The following METTL15 variants were observed in gnomAD, a reference collection of about 807,000 sequenced individuals.
METTL15 encodes the protein methyltransferase 15, mitochondrial 12S rRNA N4-cytidine.
A neutral mutation model predicts 38.3 loss-of-function variants in METTL15; 34 were observed. The ratio of observed to expected loss-of-function variants is 0.89; its 90% CI spans 0.68 to 1.18. METTL15 has a LOEUF of 1.18. METTL15 is among the 50% of genes most tolerant of loss of function. The probability of loss-of-function intolerance (pLI) is 0.00; values close to 1 mark genes in which losing one functional copy is unlikely to be tolerated. For missense variants in METTL15, 438 were observed against 498.4 expected (o/e 0.88, Z 1.15); for synonymous variants, 162 against 170.9 (o/e 0.95, Z 0.41).
intron 5 of METTL15, among the ~76,000 whole-genome samples, chr11:28,294,516 C>T (rs1011548818): frequency 6.6e-6 from 1 of 152,150 alleles, no homozygotes; most frequent in East Asian, 1.9e-4. Flanking sequence ...TAAGGTTTCT[C>T]ATGTAGAAGC....
intron 4 of METTL15, among the ~76,000 whole-genome samples, chr11:28,226,010 G>T (rs1001632548): frequency 6.6e-6 from 1 of 151,698 alleles, no homozygotes; most frequent in Non-Finnish European, 1.5e-5. Flanking sequence ...TTTTAATTCA[G>T]CTAATTAGAA....
intron 4 of METTL15, among the ~76,000 whole-genome samples, chr11:28,270,358 A>G (rs1258543042): frequency 6.6e-6 from 1 of 152,220 alleles, no homozygotes; most frequent in African/African-American, 2.4e-5. Flanking sequence ...TGAATTTGAT[A>G]GGAGAACTCC....
chr11:28,510,864 A>C (rs1182838575), intron 6 of METTL15, among the ~76,000 whole-genome samples: 3 of 152,158 alleles, frequency 2.0e-5, no homozygotes, highest in Non-Finnish European at 4.4e-5. Context: ...AGACTTCCTC[A>C]AGTACTCAGC....
intron 5 of METTL15, among the ~76,000 whole-genome samples, chr11:28,372,450 C>CTT (rs56304548): frequency 8.9e-5 from 9 of 101,560 alleles, no homozygotes; most frequent in Admixed American, 3.1e-4. Flanking sequence ...TTGTTGTGTT[C>CTT]TTTTTTTTTT....
intron 6 of METTL15, among the ~76,000 whole-genome samples, chr11:28,457,943 C>G (rs1252977400): frequency 1.3e-5 from 2 of 152,154 alleles, no homozygotes; most frequent in East Asian, 1.9e-4. Context: ...TGCTAGATTT[C>G]TAGAGTGTTG....
chr11:28,120,256 T>A (rs947493409), intron 3 of METTL15, among the ~76,000 whole-genome samples: 3 of 151,892 alleles, frequency 2.0e-5, no homozygotes, highest in African/African-American at 4.8e-5. Context: ...CCAGCCTTTT[T>A]TTTTTTTTTT....
intron 5 of METTL15, among the ~76,000 whole-genome samples, chr11:28,379,607 G>T (rs530691304): frequency 6.6e-6 from 1 of 151,986 alleles, no homozygotes; most frequent in African/African-American, 2.4e-5. Flanking sequence ...TAACTTCTTT[G>T]AACTTGTTTT....
intron 4 of METTL15, among the ~76,000 whole-genome samples, chr11:28,251,301 A>T (rs1270158820): frequency 1.6e-4 from 24 of 151,986 alleles, no homozygotes; most frequent in Admixed American, 1.6e-3. Context: ...TGCTATTTTG[A>T]CTAGAGTTTT....
chr11:28,162,538 C>T (rs1850503406), intron 3 of METTL15, among the ~76,000 whole-genome samples: 1 of 152,074 alleles, frequency 6.6e-6, no homozygotes, highest in East Asian at 1.9e-4. Context: ...CTTTAAGATA[C>T]AAATGCTCCT....
intron 4 of METTL15, among the ~76,000 whole-genome samples, chr11:28,249,358 A>C (rs989872352): frequency 1.7e-4 from 26 of 152,008 alleles, no homozygotes; most frequent in African/African-American, 6.3e-4. Flanking sequence ...AATATAAGAT[A>C]ATGAAGATGA....
intron 4 of METTL15, among the ~76,000 whole-genome samples, chr11:28,227,099 G>C (rs1853510758): frequency 6.6e-6 from 1 of 151,802 alleles, no homozygotes; most frequent in Non-Finnish European, 1.5e-5. Flanking sequence ...AGCTGAAGCT[G>C]TTTTTTTGAG....
chr11:28,240,832 A>C (rs191483797), intron 4 of METTL15, among the ~76,000 whole-genome samples: 1 of 152,306 alleles, frequency 6.6e-6, no homozygotes. Context: ...AAGTTTTTTT[A>C]ATAAAGATTA....
chr11:28,258,529 A>G (rs2133935088), intron 4 of METTL15, among the ~76,000 whole-genome samples: 1 of 152,164 alleles, frequency 6.6e-6, no homozygotes, highest in Admixed American at 6.5e-5. Context: ...ATAGTCAAAA[A>G]TCTTTGAAGT....
chr11:28,212,720 A>G (rs1852693099), intron 4 of METTL15, among the ~76,000 whole-genome samples: 1 of 152,206 alleles, frequency 6.6e-6, no homozygotes. Flanking sequence ...GTACATGTCT[A>G]ATACAGATGC....
intron 4 of METTL15, among the ~76,000 whole-genome samples, chr11:28,250,804 A>G (rs934008936): frequency 6.6e-6 from 1 of 151,996 alleles, no homozygotes; most frequent in African/African-American, 2.4e-5. Context: ...GTGACCTTTG[A>G]CTTGTCAGTA....
At chr11:28,463,008 A>G (rs1435679915) in intron 6 of METTL15, among the ~76,000 whole-genome samples, 1 of 152,042 alleles carries the variant, frequency 6.6e-6, no homozygotes, top group Admixed American at 6.6e-5. Context: ...AAATGACAGA[A>G]TTTTTTCTCA....
At chr11:28,287,439 C>A in intron 4 of METTL15, 2 of 422,534 alleles carry the variant, frequency 4.7e-6, no homozygotes, top group South Asian at 1.8e-5. Flanking sequence ...CTGTGAGGTT[C>A]ACAACAATTT....
At position 28,196,800 on chromosome 11, in the gene METTL15, T is replaced by C. The variant is rs1851925986; in HGVS notation, c.271-14262T>C. Among the ~76,000 whole-genome samples the C allele has an allele frequency of 2.6e-5, 4 of 151,968 alleles. 1 individual carries two copies. In the South Asian group the frequency reaches 8.3e-4, roughly 31 times the overall value. On this transcript the variant is annotated intron_variant, in intron 3 of 6. Coordinates refer to ENST00000407364, the MANE Select transcript of METTL15 (RefSeq NM_001113528.2). ...GCCACTTTGAAAGTTGTATAAAGTC[T>C]TTCTGGTCAGTAAAAAATTGAGATA... is the stretch of plus-strand genomic sequence containing the variant.
intron 6 of METTL15, among the ~76,000 whole-genome samples, chr11:28,463,496 C>T (rs975098289): frequency 3.3e-5 from 5 of 152,078 alleles, no homozygotes; most frequent in Non-Finnish European, 7.4e-5. Flanking sequence ...GAAAGTGGGA[C>T]ATGCTGATAA....
Sources: gnomAD v4.1 joint callset for allele counts (sites outside exome capture counted in the v4.1 genomes callset) on GRCh38, gnomAD v4.1.1 for gene constraint, MANE v1.5 for transcripts, NCBI Gene and HGNC (gene_info 2026-07-23, HGNC 2026-07-21) for gene names.